Variants in MLLT3 observed in about 807,000 individuals in gnomAD.
MLLT3 encodes MLLT3 super elongation complex subunit.
In MLLT3, 4 loss-of-function variants were observed where a neutral mutation model predicts 53.2. The observed-to-expected ratio is 0.08, with a 90% CI of 0.04 to 0.17. The LOEUF is 0.17. MLLT3 is among the 10% of genes least tolerant of loss of function. The pLI is 1.00. For synonymous variants in MLLT3, 283 were observed against 230.6 expected (o/e 1.23, Z -2.06); for missense variants, 569 against 684.0 (o/e 0.83, Z 1.87).
At position 20,607,096 on chromosome 9, in the gene MLLT3, T is replaced by C. The variant is rs564583931; in HGVS notation, c.193+13558A>G. 2.0e-5 allele frequency among the ~76,000 whole-genome samples: 3 copies of C among 152,206 alleles called. No individual in the cohort carries two copies. In the South Asian group the frequency reaches 6.2e-4, roughly 32 times the overall value. The stretch of plus-strand genomic sequence containing the variant: ...ATCTACCATAGTTTTGTCTGTCCTA[T>C]AACAAAATTTTATGAGTATTTTTAT... On this transcript the variant is annotated intron_variant, in intron 2 of 10. Transcript: ENST00000380338.
At chr9:20,567,623 T>G (rs534382829) in intron 2 of MLLT3, among the ~76,000 whole-genome samples, 56 of 152,304 alleles carry the variant, frequency 3.7e-4, no homozygotes, top group African/African-American at 1.2e-3. Flanking sequence ...CACAAGAAAC[T>G]TTCCACAACT....
intron 2 of MLLT3, among the ~76,000 whole-genome samples, chr9:20,468,214 A>C (rs1311389169): frequency 6.6e-6 from 1 of 152,268 alleles, no homozygotes. Context: ...AATAGTAGTC[A>C]AATGCAAGCC....
chr9:20,354,969 A>G, intron 8 of MLLT3, 90 bp from the exon 9 acceptor site: 1 of 797,290 alleles, frequency 1.3e-6, no homozygotes, highest in Non-Finnish European at 2.1e-6. Flanking sequence ...ACTGAATGAA[A>G]TGTACAGTAA....
chr9:20,567,261 T>C (rs1312458668), intron 2 of MLLT3, among the ~76,000 whole-genome samples: 1 of 146,128 alleles, frequency 6.8e-6, no homozygotes, highest in African/African-American at 2.5e-5. Flanking sequence ...ATTAAACGTG[T>C]TTCTATAACC....
intron 4 of MLLT3, among the ~76,000 whole-genome samples, chr9:20,439,898 T>A (rs1823502034): frequency 2.0e-5 from 3 of 152,188 alleles, no homozygotes; most frequent in African/African-American, 7.2e-5. Flanking sequence ...AACACATACT[T>A]ATTTCAAAAT....
chr9:20,520,191 C>A (rs1423744615), intron 2 of MLLT3, among the ~76,000 whole-genome samples: 3 of 151,880 alleles, frequency 2.0e-5, no homozygotes, highest in Non-Finnish European at 2.9e-5. Context: ...CACACTGGGG[C>A]CTGTTGGAGG....
At chr9:20,423,494 G>T (rs760196041) in intron 4 of MLLT3, among the ~76,000 whole-genome samples, 1 of 152,078 alleles carries the variant, frequency 6.6e-6, no homozygotes. Context: ...TGTATCCACA[G>T]ATTCAACCAA....
intron 2 of MLLT3, among the ~76,000 whole-genome samples, chr9:20,566,042 TTA>T (rs1196053367): frequency 7.0e-4 from 84 of 120,178 alleles, no homozygotes; most frequent in East Asian, 1.3e-3. Flanking sequence ...ATTTATTTAT[TTA>T]TATATATATT....
rs76337053 is a variant in MLLT3, at chr9:20,344,562, G to T, written c.*1881C>A. On this transcript the variant is annotated 3_prime_UTR_variant, in exon 11 of 11. Coordinates refer to ENST00000380338, the MANE Select transcript of MLLT3 (RefSeq NM_004529.4). ...CAATACAACAAATGCTTCAAGTACG[G>T]TTCATGCCAATCGTCATTAAGAATC... 4.3e-3 allele frequency: 912 copies of T among 214,462 alleles called. 13 individuals carry two copies. Among genetic ancestry groups the T allele is most frequent in the African/African-American group, 0.02 (869 of 44,390 alleles). 13.3% of individuals were successfully genotyped at this position (214,462 alleles called of 1,614,324 possible). A position where few individuals can be genotyped will look rare whatever the true frequency, so the allele number is the denominator to read the frequency against.
rs537599343 is a variant in MLLT3 at position 20,499,587 on chromosome 9, C to T, written c.194-42801G>A. On this transcript the variant is annotated intron_variant, in intron 2 of 10. Transcript: ENST00000380338. ...TGCAATAACTGTTCTCATAGAGATA[C>T]CTTCGAAATCATTTGCAGAATTTAC... Among the ~76,000 whole-genome samples the T allele has an allele frequency of 1.7e-3, 263 of 152,286 alleles. 2 individuals are homozygous for T. Among genetic ancestry groups the T allele is most frequent in the Non-Finnish European group, 2.8e-3 (191 of 68,018 alleles).
intron 2 of MLLT3, among the ~76,000 whole-genome samples, chr9:20,576,039 T>TA (rs1177658794): frequency 1.3e-5 from 2 of 152,208 alleles, no homozygotes; most frequent in Non-Finnish European, 2.9e-5. Context: ...TCAATGATCT[T>TA]AGCTAGATCT....
intron 2 of MLLT3, among the ~76,000 whole-genome samples, chr9:20,520,212 A>G (rs1219521769): frequency 1.3e-5 from 2 of 152,148 alleles, no homozygotes; most frequent in Admixed American, 6.5e-5. Flanking sequence ...GTGGAGAGTG[A>G]AAGGAGGGAG....
At chr9:20,599,798 T>C (rs749656027) in intron 2 of MLLT3, among the ~76,000 whole-genome samples, 83 of 152,172 alleles carry the variant, frequency 5.5e-4, no homozygotes, top group Admixed American at 5.2e-3. Flanking sequence ...AAACAGGACA[T>C]AGAGTCACCA....
intron 2 of MLLT3, among the ~76,000 whole-genome samples, chr9:20,609,361 T>C (rs986290212): frequency 2.4e-4 from 36 of 152,226 alleles, no homozygotes; most frequent in African/African-American, 8.2e-4. Context: ...TGCAAGTATG[T>C]TGGATGATCA....
chr9:20,565,553 C>T (rs895041670), intron 2 of MLLT3, among the ~76,000 whole-genome samples: 3 of 151,988 alleles, frequency 2.0e-5, no homozygotes, highest in African/African-American at 7.2e-5. Context: ...TTAATATTCC[C>T]ATTGAAACAA....
At chr9:20,430,792 A>C (rs1823248578) in intron 4 of MLLT3, among the ~76,000 whole-genome samples, 1 of 152,112 alleles carries the variant, frequency 6.6e-6, no homozygotes, top group Non-Finnish European at 1.5e-5. Flanking sequence ...CATAAAGTAA[A>C]AAAGCCACTA....
At chr9:20,458,226 C>A (rs1824019599) in intron 2 of MLLT3, among the ~76,000 whole-genome samples, 1 of 152,210 alleles carries the variant, frequency 6.6e-6, no homozygotes, top group African/African-American at 2.4e-5. Flanking sequence ...AGTACCTTGA[C>A]ACTGAACAGA....
At chr9:20,386,757 G>T (rs1281873881) in intron 5 of MLLT3, among the ~76,000 whole-genome samples, 1 of 152,086 alleles carries the variant, frequency 6.6e-6, no homozygotes, top group East Asian at 1.9e-4. Flanking sequence ...ATTAGTATTG[G>T]CCAGTCTGCT....
chr9:20,506,896 A>C (rs1825395347), intron 2 of MLLT3, among the ~76,000 whole-genome samples: 1 of 152,202 alleles, frequency 6.6e-6, no homozygotes, highest in African/African-American at 2.4e-5. Context: ...AATTTGATTA[A>C]TTGAAAATTA....
Sources: gnomAD v4.1 joint callset for allele counts (sites outside exome capture counted in the v4.1 genomes callset) on GRCh38, gnomAD v4.1.1 for gene constraint, MANE v1.5 for transcripts, NCBI Gene and HGNC (gene_info 2026-07-23, HGNC 2026-07-21) for gene names.